Variants in NBEA observed in about 807,000 individuals in gnomAD.
The protein encoded by NBEA is lysosomal-trafficking regulator 2.
Under a neutral mutation model 343.4 loss-of-function variants are expected in NBEA, and 44 were observed. The observed-to-expected ratio is 0.13, with a 90% CI of 0.10 to 0.16. The LOEUF (loss-of-function observed/expected upper bound fraction) is 0.16. NBEA is among the 10% of genes least tolerant of loss of function. The pLI, the probability that NBEA is intolerant of heterozygous loss-of-function variation, is 1.00. For missense variants in NBEA, 2,555 were observed against 3,631.3 expected (o/e 0.70, Z 7.62); for synonymous variants, 1,175 against 1,238.7 (o/e 0.95, Z 1.08).
At chr13:35,578,540 A>C (rs2080856199) in intron 45 of NBEA, among the ~76,000 whole-genome samples, 1 of 152,164 alleles carries the variant, frequency 6.6e-6, no homozygotes, top group East Asian at 1.9e-4. Flanking sequence ...TTTAGCAATG[A>C]AAAAGCAGTG....
intron 38 of NBEA, among the ~76,000 whole-genome samples, chr13:35,373,707 A>AAATAATAATAATAAT (rs60612475): frequency 2.3e-3 from 348 of 149,804 alleles, no homozygotes; most frequent in East Asian, 8.7e-3. Flanking sequence ...ACTGTCTCAA[A>AAATAATAATAATAAT]AATAATAATA....
At chr13:35,099,729 G>T (rs2152641445) in intron 11 of NBEA, among the ~76,000 whole-genome samples, 1 of 151,988 alleles carries the variant, frequency 6.6e-6, no homozygotes, top group Middle Eastern at 3.4e-3. Context: ...AATTAGATGG[G>T]TTTACTTTTT....
intron 49 of NBEA, among the ~76,000 whole-genome samples, chr13:35,634,329 T>TGA (rs2083603446): frequency 6.6e-6 from 1 of 151,996 alleles, no homozygotes; most frequent in African/African-American, 2.4e-5. Flanking sequence ...GGCGACAGAG[T>TGA]GAGACTATCT....
intron 36 of NBEA, among the ~76,000 whole-genome samples, chr13:35,338,251 C>T (rs897626836): frequency 3.3e-5 from 5 of 151,384 alleles, no homozygotes; most frequent in South Asian, 2.1e-4. Flanking sequence ...TCACTAAAAT[C>T]GGGAATGAAA....
chr13:34,944,212 T>A (rs774180864), intron 1 of NBEA, among the ~76,000 whole-genome samples: 5 of 152,192 alleles, frequency 3.3e-5, no homozygotes, highest in Admixed American at 6.5e-5. Context: ...GTATTTGGTG[T>A]GGGGTCACAG....
intron 31 of NBEA, among the ~76,000 whole-genome samples, chr13:35,206,662 A>G (rs1235803435): frequency 6.6e-6 from 1 of 152,116 alleles, no homozygotes; most frequent in Non-Finnish European, 1.5e-5. Flanking sequence ...GACAGTGGTA[A>G]TGATTATTAA....
Position 34,942,916 on chromosome 13 carries a change from C to T in NBEA, c.96C>T (p.Ser32=), listed in dbSNP as rs1245655828. 2.0e-6 allele frequency: 3 copies of T among 1,499,636 alleles called. No individual in the cohort carries two copies. The highest frequency in any genetic ancestry group is 1.3e-5 in the South Asian group (1 of 79,308). 92.9% of individuals were successfully genotyped at this position (1,499,636 alleles called of 1,614,324 possible). ...VGAAGGGGGG[S]GGGGTGGSGM... Reference sequence around the variant, plus strand: ...CCGCTGGCGGAGGCGGCGGGGGCAGCGGTGGTGGCGGCACCGGGGGCAGCG... The same window carrying T: ...CCGCTGGCGGAGGCGGCGGGGGCAGTGGTGGTGGCGGCACCGGGGGCAGCG... Residue 32 remains serine (S), a synonymous_variant, in exon 1 of 59, where the codon AGC becomes AGT. Transcript: ENST00000379939.
At chr13:35,262,390 C>G (rs909455718) in intron 34 of NBEA, among the ~76,000 whole-genome samples, 2 of 152,160 alleles carry the variant, frequency 1.3e-5, no homozygotes, top group African/African-American at 4.8e-5. Flanking sequence ...ATGTTCACAT[C>G]AGTTATTGGT....
At chr13:35,418,230 G>T (rs1340261904) in intron 38 of NBEA, among the ~76,000 whole-genome samples, 1 of 152,104 alleles carries the variant, frequency 6.6e-6, no homozygotes, top group Admixed American at 6.6e-5. Flanking sequence ...GGAACATTTA[G>T]CCCATTTACA....
At chr13:35,175,093 T>C in intron 27 of NBEA, among the ~76,000 whole-genome samples, 1 of 152,074 alleles carries the variant, frequency 6.6e-6, no homozygotes, top group East Asian at 1.9e-4. Context: ...CCCGGCCACT[T>C]CAGAGTATTT....
intron 1 of NBEA, among the ~76,000 whole-genome samples, chr13:35,000,950 T>C (rs2061114387): frequency 6.6e-6 from 1 of 152,004 alleles, no homozygotes; most frequent in Non-Finnish European, 1.5e-5. Context: ...AATGATAACA[T>C]AGTTGGTTTT....
At chr13:35,237,926 G>A (rs1359555148) in intron 34 of NBEA, among the ~76,000 whole-genome samples, 4 of 152,100 alleles carry the variant, frequency 2.6e-5, no homozygotes, top group East Asian at 3.9e-4. Context: ...GCTTGTGATT[G>A]TATCATTCTA....
intron 37 of NBEA, 122 bp downstream of exon 37, chr13:35,349,338 T>G: frequency 1.9e-6 from 1 of 518,722 alleles, no homozygotes; most frequent in Non-Finnish European, 3.5e-6. Context: ...TTTCTGTTCC[T>G]GTTTTTTAAA....
chr13:35,357,967 C>T (rs2040588022), intron 38 of NBEA, among the ~76,000 whole-genome samples: 1 of 152,112 alleles, frequency 6.6e-6, no homozygotes, highest in Non-Finnish European at 1.5e-5. Context: ...TTAATCACTC[C>T]TTAACTTCTA....
chr13:35,240,835 T>A (rs2152778018), intron 34 of NBEA, among the ~76,000 whole-genome samples: 1 of 151,944 alleles, frequency 6.6e-6, no homozygotes, highest in Non-Finnish European at 1.5e-5. Flanking sequence ...TACGTGGTAA[T>A]AATTTATTTC....
chr13:35,055,005 C>T (rs1026007214), intron 6 of NBEA, among the ~76,000 whole-genome samples: 14 of 151,814 alleles, frequency 9.2e-5, no homozygotes, highest in Non-Finnish European at 1.5e-4. Context: ...TTTTAGATAC[C>T]TTGAAATAAC....
intron 1 of NBEA, among the ~76,000 whole-genome samples, chr13:35,037,668 C>G (rs1449695700): frequency 6.6e-6 from 1 of 152,112 alleles, no homozygotes; most frequent in East Asian, 1.9e-4. Flanking sequence ...TCTTTCCTTA[C>G]TTTCTCCCAA....
chr13:35,002,916 T>A lies in NBEA; in HGVS notation c.295-38017T>A, dbSNP rs112765579. Among the ~76,000 whole-genome samples, 3 of 152,114 alleles carry A rather than the reference T, an allele frequency of 2.0e-5. No individual in the cohort carries two copies. In the East Asian group the frequency reaches 5.8e-4, roughly 29 times the overall value. On this transcript the variant is annotated intron_variant, in intron 1 of 58. Coordinates refer to ENST00000379939, the MANE Select transcript of NBEA (RefSeq NM_001385012.1). ...GAATATGGCGGATGAGGCAAAACTTTGTAGCCCAGTTCCTTCAACGTTTGA... is the reference window on the plus strand; with the variant it reads ...GAATATGGCGGATGAGGCAAAACTTAGTAGCCCAGTTCCTTCAACGTTTGA...
chr13:35,585,597 C>T (rs990378267), intron 46 of NBEA, among the ~76,000 whole-genome samples: 2 of 151,710 alleles, frequency 1.3e-5, no homozygotes, highest in African/African-American at 4.8e-5. Flanking sequence ...TAGTGATTTC[C>T]AGCTTCTCTC....
Sources: gnomAD v4.1 joint callset for allele counts (sites outside exome capture counted in the v4.1 genomes callset) on GRCh38, gnomAD v4.1.1 for gene constraint, MANE v1.5 for transcripts, NCBI Gene and HGNC (gene_info 2026-07-23, HGNC 2026-07-21) for gene names.